The following DLGAP2 variants were observed in gnomAD, a reference collection of about 807,000 sequenced individuals.
DLGAP2 encodes disks large-associated protein 2.
In DLGAP2, 26 loss-of-function variants were observed where a neutral mutation model predicts 100.3. That is an observed-to-expected ratio of 0.26 (90% CI 0.19 to 0.36). The LOEUF (loss-of-function observed/expected upper bound fraction) is 0.36. DLGAP2 is among the 10% of genes least tolerant of loss of function. DLGAP2 has a pLI of 1.00. For synonymous variants in DLGAP2, 886 were observed against 630.1 expected (o/e 1.41, Z -6.08); for missense variants, 1,858 against 1,453.2 (o/e 1.28, Z -4.53).
At chr8:896,163 T>G (rs1372867625) in intron 1 of DLGAP2, among the ~76,000 whole-genome samples, 2 of 21,912 alleles carry the variant, frequency 9.1e-5, no homozygotes, top group African/African-American at 4.6e-4. Flanking sequence ...AGTGGCTAGG[T>G]AGGTGTGGGG....
chr8:827,985 C>A (rs923515100), intron 1 of DLGAP2, among the ~76,000 whole-genome samples: 1 of 152,114 alleles, frequency 6.6e-6, no homozygotes, highest in Admixed American at 6.5e-5. Flanking sequence ...CAAAAACCAG[C>A]AAGTCTTTAT....
intron 1 of DLGAP2, among the ~76,000 whole-genome samples, chr8:864,300 G>A (rs1027693394): frequency 2.0e-5 from 3 of 152,084 alleles, no homozygotes; most frequent in Admixed American, 1.3e-4. Context: ...TGAGAATATC[G>A]TACGGTATGT....
chr8:869,676 G>C (rs56753929), intron 1 of DLGAP2, among the ~76,000 whole-genome samples: 6,594 of 152,232 alleles, frequency 0.043, 234 homozygotes, highest in African/African-American at 0.089. Context: ...ATGAATATGC[G>C]CATGTTTTGA....
At chr8:963,266 A>G (rs1799769971) in intron 2 of DLGAP2, among the ~76,000 whole-genome samples, 1 of 152,100 alleles carries the variant, frequency 6.6e-6, no homozygotes, top group Non-Finnish European at 1.5e-5. Context: ...AGTGTTTGAA[A>G]ATGAGTATTT....
intron 3 of DLGAP2, among the ~76,000 whole-genome samples, chr8:1,360,899 G>A (rs922471522): frequency 2.6e-5 from 4 of 152,226 alleles, no homozygotes; most frequent in Non-Finnish European, 4.4e-5. Flanking sequence ...CACCGGACAC[G>A]TGAACACGGT....
rs180864740 is a variant in DLGAP2, at chr8:1,432,930, G to A, written c.107-68436G>A. Among the ~76,000 whole-genome samples, 323 of 152,288 alleles carry A rather than the reference G, an allele frequency of 2.1e-3. 1 individual carries two copies. The highest frequency in any genetic ancestry group is 7.2e-3 in the African/African-American group (301 of 41,558). On this transcript the variant is annotated intron_variant, in intron 3 of 14. Coordinates refer to ENST00000637795, the MANE Select transcript of DLGAP2 (RefSeq NM_001346810.2). ...CCCTGGGAATGGCGAGCATCGAGGC[G>A]CGGAGTTGCATGGAAGACCCAGGGC...
chr8:1,647,949 C>G (rs1306630603), intron 8 of DLGAP2, among the ~76,000 whole-genome samples: 1 of 152,104 alleles, frequency 6.6e-6, no homozygotes, highest in East Asian at 1.9e-4. Flanking sequence ...TATAAAGGCA[C>G]GAATCCCTCA....
At chr8:860,764 G>A (rs1797373492) in intron 1 of DLGAP2, among the ~76,000 whole-genome samples, 1 of 152,228 alleles carries the variant, frequency 6.6e-6, no homozygotes, top group Non-Finnish European at 1.5e-5. Context: ...TGGTGATGGA[G>A]ACACGGCAGG....
rs577290932 is a variant in DLGAP2, at chr8:1,466,772, T to C, written c.107-34594T>C. ...CACCATTGCGTGGATAGTGGTGTGA[T>C]GTGGTTGGTGAGACGTGTGGTAATT... On this transcript the variant is annotated intron_variant, in intron 3 of 14. Transcript: ENST00000637795. Among the ~76,000 whole-genome samples the C allele has an allele frequency of 1.6e-4, 25 of 152,206 alleles. 1 individual carries two copies. In the South Asian group the frequency reaches 5.0e-3, roughly 30 times the overall value.
intron 8 of DLGAP2, among the ~76,000 whole-genome samples, chr8:1,659,549 A>G (rs1798363072): frequency 1.3e-5 from 2 of 152,190 alleles, no homozygotes; most frequent in Non-Finnish European, 2.9e-5. Context: ...GTATATATTT[A>G]GGATAGTTAG....
chr8:1,330,888 G>A (rs1463734166), intron 3 of DLGAP2, among the ~76,000 whole-genome samples: 1 of 149,608 alleles, frequency 6.7e-6, no homozygotes, highest in Non-Finnish European at 1.5e-5. Context: ...GCTTCACGGG[G>A]ACTGAGTTCT....
Position 876,118 on chromosome 8 carries a change from A to T in DLGAP2, c.19-31794A>T, listed in dbSNP as rs187574526. Among the ~76,000 whole-genome samples the T allele has an allele frequency of 2.6e-5, 4 of 152,316 alleles. No homozygotes were observed. The East Asian group carries it at 7.7e-4, about 29-fold the overall frequency. On this transcript the variant is annotated intron_variant, in intron 1 of 14. Coordinates refer to ENST00000637795, the MANE Select transcript of DLGAP2 (RefSeq NM_001346810.2). ...ATTTTTATGTTTGATAGGTCCACCA[A>T]GCTTTTTCATATGTATTATTTTATA...
intron 4 of DLGAP2, among the ~76,000 whole-genome samples, chr8:1,512,252 C>A (rs1040603175): frequency 2.0e-5 from 3 of 152,222 alleles, no homozygotes; most frequent in African/African-American, 7.2e-5. Flanking sequence ...CCATAAATTT[C>A]AAAGAAACAA....
At chr8:1,263,849 T>C (rs2116915350) in intron 3 of DLGAP2, among the ~76,000 whole-genome samples, 1 of 152,306 alleles carries the variant, frequency 6.6e-6, no homozygotes. Flanking sequence ...AATTGAATGC[T>C]TTGTATAAAA....
chr8:796,000 G>T (rs1796024858), intron 1 of DLGAP2, among the ~76,000 whole-genome samples: 1 of 146,724 alleles, frequency 6.8e-6, no homozygotes, highest in African/African-American at 2.5e-5. Flanking sequence ...TGTCCAGTGA[G>T]AGCAGGCGTC....
intron 2 of DLGAP2, among the ~76,000 whole-genome samples, chr8:1,232,169 C>T (rs1798549419): frequency 1.3e-5 from 2 of 152,252 alleles, no homozygotes; most frequent in South Asian, 2.1e-4. Flanking sequence ...TGGTGCTGAG[C>T]CTTTGGGGCA....
intron 3 of DLGAP2, among the ~76,000 whole-genome samples, chr8:1,333,965 C>T (rs1023028933): frequency 1.3e-5 from 2 of 152,216 alleles, no homozygotes; most frequent in African/African-American, 2.4e-5. Context: ...GGGGCCAACA[C>T]GGCGAGAGCC....
rs115512286 is a variant in DLGAP2 at position 1,464,069 on chromosome 8, G to A, written c.107-37297G>A. 4.0e-3 allele frequency among the ~76,000 whole-genome samples: 607 copies of A among 150,416 alleles called. 4 individuals carry two copies. Among genetic ancestry groups the A allele is most frequent in the African/African-American group, 0.014 (565 of 40,890 alleles). Reference sequence around the variant, plus strand: ...GAATTCACTGAATGTCGCAACAGCCGCCTTCCTGAAGAGCTTCCTTCCAGC... The same window carrying A: ...GAATTCACTGAATGTCGCAACAGCCACCTTCCTGAAGAGCTTCCTTCCAGC... On this transcript the variant is annotated intron_variant, in intron 3 of 14. Transcript: ENST00000637795.
chr8:1,017,622 T>A (rs1356933008), intron 2 of DLGAP2, among the ~76,000 whole-genome samples: 1 of 144,326 alleles, frequency 6.9e-6, no homozygotes, highest in African/African-American at 2.5e-5. Flanking sequence ...GCGCCTCCAC[T>A]GTGTGTGTGA....
Sources: gnomAD v4.1 joint callset for allele counts (sites outside exome capture counted in the v4.1 genomes callset) on GRCh38, gnomAD v4.1.1 for gene constraint, MANE v1.5 for transcripts, NCBI Gene and HGNC (gene_info 2026-07-23, HGNC 2026-07-21) for gene names.